Variants in PDAP1 observed in about 807,000 individuals in gnomAD.
PDAP1 encodes 28 kDa heat- and acid-stable phosphoprotein.
PDAP1 carries 13 observed loss-of-function variants against 28.0 expected under a neutral mutation model. That is an observed-to-expected ratio of 0.46 (90% CI 0.30 to 0.74). The LOEUF is 0.74. PDAP1 is among the 30% of genes least tolerant of loss of function. PDAP1 has a pLI of 0.07. For missense variants in PDAP1, 150 were observed against 230.0 expected (o/e 0.65, Z 2.25); for synonymous variants, 77 against 85.1 (o/e 0.91, Z 0.52).
intron 4 of PDAP1, among the ~76,000 whole-genome samples, chr7:99,399,933 C>G (rs543510390): frequency 6.6e-6 from 1 of 152,210 alleles, no homozygotes; most frequent in Non-Finnish European, 1.5e-5. Flanking sequence ...CTCGCAGCCC[C>G]CTTCCAGTCC....
intron 3 of PDAP1, among the ~76,000 whole-genome samples, chr7:99,401,842 G>A (rs1216794196): frequency 2.6e-5 from 4 of 151,474 alleles, no homozygotes; most frequent in African/African-American, 7.3e-5. Flanking sequence ...GACTACAGGC[G>A]CCTGCCACCA....
rs1170151872 is a variant in PDAP1, at chr7:99,396,270, A to T, written c.*412T>A. 3 of 273,572 alleles carry T rather than the reference A, an allele frequency of 1.1e-5. No homozygotes were observed. In the East Asian group the frequency reaches 4.0e-4, roughly 37 times the overall value. 16.9% of individuals were successfully genotyped at this position (273,572 alleles called of 1,614,324 possible). On this transcript the variant is annotated 3_prime_UTR_variant, in exon 6 of 6. Transcript: ENST00000350498. ...CCCCTCTCTGAATGAGCACCCAGGCAACACAGTCCGGGGCTGTGTGTAGCA... is the reference window on the plus strand; with the variant it reads ...CCCCTCTCTGAATGAGCACCCAGGCTACACAGTCCGGGGCTGTGTGTAGCA...
intron 3 of PDAP1, among the ~76,000 whole-genome samples, 154 bp from the exon 4 acceptor site, chr7:99,400,578 T>A (rs945315951): frequency 6.6e-6 from 1 of 152,158 alleles, no homozygotes; most frequent in South Asian, 2.1e-4. Context: ...ACAGTGGGTA[T>A]AGCTCTCTGG....
At chr7:99,404,119 T>A (rs149298483) in intron 2 of PDAP1, among the ~76,000 whole-genome samples, 2 of 152,134 alleles carry the variant, frequency 1.3e-5, no homozygotes, top group South Asian at 4.1e-4. Context: ...ACATTCTCCA[T>A]GTCCTGCTCA....
At chr7:99,406,719 GTCTGTC>G in intron 1 of PDAP1, 1 of 549,428 alleles carries the variant, frequency 1.8e-6, no homozygotes, top group African/African-American at 2.1e-5. Context: ...GATTTCCATA[GTCTGTC>G]TCTGTGAGCA....
At chr7:99,404,549 G>A (rs1288926739) in intron 2 of PDAP1, among the ~76,000 whole-genome samples, 1 of 152,086 alleles carries the variant, frequency 6.6e-6, no homozygotes, top group Non-Finnish European at 1.5e-5. Context: ...CTGGGAGCTC[G>A]AGCTGTGAAT....
Position 99,394,935 on chromosome 7 carries a change from C to A in PDAP1, c.*1747G>T. The stretch of plus-strand genomic sequence containing the variant: ...GCCTCAGCCTCCCAAGTAGCTGGGA[C>A]TCCAGGGAGAGATTGGTGTTTGCAC... On this transcript the variant is annotated 3_prime_UTR_variant, in exon 6 of 6. Coordinates refer to ENST00000350498, the MANE Select transcript of PDAP1 (RefSeq NM_014891.7). 1.4e-6 allele frequency: 1 copy of A among 692,152 alleles called. No homozygotes were observed. Among genetic ancestry groups the A allele is most frequent in the Non-Finnish European group, 1.9e-6 (1 of 514,962 alleles). 42.9% of individuals were successfully genotyped at this position (692,152 alleles called of 1,614,324 possible). A position where few individuals can be genotyped will look rare whatever the true frequency, so the allele number is the denominator to read the frequency against.
chr7:99,407,103 G>A (rs926541150), intron 1 of PDAP1, among the ~76,000 whole-genome samples: 3 of 152,130 alleles, frequency 2.0e-5, no homozygotes, highest in African/African-American at 7.2e-5. Flanking sequence ...TTTAAAAAAC[G>A]ATTTGCACTT....
chr7:99,401,737 C>T (rs1180204552), intron 3 of PDAP1, among the ~76,000 whole-genome samples: 6 of 145,804 alleles, frequency 4.1e-5, no homozygotes, highest in East Asian at 2.1e-4. Flanking sequence ...CTCACTCTGT[C>T]GCCCAGGCTG....
intron 5 of PDAP1, 63 bp from the exon 6 acceptor site, chr7:99,396,803 G>T: frequency 7.8e-7 from 1 of 1,287,354 alleles, no homozygotes. Flanking sequence ...CCCAACACAC[G>T]TGCCAGAACC....
chr7:99,407,343 G>A (rs1459992966), intron 1 of PDAP1, among the ~76,000 whole-genome samples: 2 of 152,174 alleles, frequency 1.3e-5, no homozygotes, highest in African/African-American at 4.8e-5. Flanking sequence ...ACTTCGGAGG[G>A]AGGATGGCTC....
In PDAP1 at chr7:99,404,844, G is replaced by C. The variant is rs779770167; in HGVS notation, c.105+18C>G. The C allele has an allele frequency of 6.2e-7, 1 of 1,603,542 alleles. No individual in the cohort carries two copies. Among genetic ancestry groups the C allele is most frequent in the African/African-American group, 1.3e-5 (1 of 74,710 alleles). On this transcript the variant is annotated intron_variant, in intron 2 of 5. Coordinates refer to ENST00000350498, the MANE Select transcript of PDAP1 (RefSeq NM_014891.7). The stretch of plus-strand genomic sequence containing the variant: ...CCACCCTGGGCCACTGGCGTGGCCT[G>C]GACAGGCACGTACTCACCCTGGCCT...
At chr7:99,396,926 G>A (rs1277285363) in intron 5 of PDAP1, among the ~76,000 whole-genome samples, 186 bp from the exon 6 acceptor site, 2 of 151,988 alleles carry the variant, frequency 1.3e-5, no homozygotes, top group African/African-American at 4.8e-5. Flanking sequence ...CGACATTCCC[G>A]ACACGCTTCA....
chr7:99,398,366 A>G (rs1794804572), intron 4 of PDAP1, among the ~76,000 whole-genome samples: 1 of 152,222 alleles, frequency 6.6e-6, no homozygotes. Context: ...GAAGATGACC[A>G]GGAGGATGAA....
chr7:99,399,602 G>A (rs781608337), intron 4 of PDAP1, among the ~76,000 whole-genome samples: 3 of 152,174 alleles, frequency 2.0e-5, no homozygotes, highest in Non-Finnish European at 2.9e-5. Flanking sequence ...GTCCTTAGCA[G>A]CTGCAATCAC....
chr7:99,403,811 G>C (rs115137162), intron 2 of PDAP1, among the ~76,000 whole-genome samples: 1,590 of 152,278 alleles, frequency 0.01, 18 homozygotes, highest in African/African-American at 0.036. Context: ...AGGGTGAGAA[G>C]CTTGTTTCCT....
At chr7:99,403,269 C>T (rs1735427250) in intron 3 of PDAP1, 129 bp downstream of exon 3, 4 of 642,824 alleles carry the variant, frequency 6.2e-6, no homozygotes, top group East Asian at 2.6e-5. Context: ...TTGTATCTCC[C>T]GTAGTGTAAA....
At chr7:99,405,871 T>C (rs1235359270) in intron 1 of PDAP1, among the ~76,000 whole-genome samples, 1 of 152,188 alleles carries the variant, frequency 6.6e-6, no homozygotes, top group African/African-American at 2.4e-5. Flanking sequence ...TGTCCCTACC[T>C]TACAGGGTTG....
intron 1 of PDAP1, 52 bp from the exon 2 acceptor site, chr7:99,405,005 G>A: frequency 1.5e-6 from 2 of 1,346,404 alleles, no homozygotes; most frequent in Non-Finnish European, 2.1e-6. Flanking sequence ...TGACTGCTCT[G>A]ACCCCCAGAG....
Sources: allele counts gnomAD v4.1 joint callset (sites outside exome capture counted in the v4.1 genomes callset), GRCh38; gene constraint gnomAD v4.1.1; transcripts MANE v1.5; gene names NCBI Gene and HGNC (gene_info 2026-07-23, HGNC 2026-07-21).